The following VPS8 variants were observed in gnomAD, a reference collection of about 807,000 sequenced individuals.
The protein encoded by VPS8 is vacuolar protein sorting-associated protein 8 homolog.
Under a neutral mutation model 216.4 loss-of-function variants are expected in VPS8, and 129 were observed. The ratio of observed to expected loss-of-function variants is 0.60; its 90% confidence interval spans 0.52 to 0.69. The LOEUF is 0.69. Ranked by LOEUF, VPS8 falls within the 30% of genes least tolerant of loss-of-function variation. The pLI is 0.00. For missense variants in VPS8, 1,531 were observed against 1,683.5 expected (o/e 0.91, Z 1.59); for synonymous variants, 571 against 565.4 (o/e 1.01, Z -0.14).
intron 46 of VPS8, among the ~76,000 whole-genome samples, chr3:185,036,330 C>A (rs905266785): frequency 2.6e-5 from 4 of 152,164 alleles, no homozygotes; most frequent in Admixed American, 2.0e-4. Context: ...AAGAGCAAAG[C>A]TGGAGGCATC....
intron 7 of VPS8, among the ~76,000 whole-genome samples, chr3:184,841,825 C>T (rs1413859701): frequency 6.6e-6 from 1 of 152,018 alleles, no homozygotes; most frequent in Admixed American, 6.6e-5. Context: ...ATGCACAGAG[C>T]CAAGTTCAGC....
rs371375124 is a variant in VPS8 at position 184,866,969 on chromosome 3, T to C, written c.1470+19T>C. On this transcript the variant is annotated intron_variant, in intron 17 of 47. Transcript: ENST00000625842. ...GACAAAAGTAAGCTCTTTTACTCTG[T>C]GAGTTGGTATTTGTATGTATCAGGG... 1.9e-6 allele frequency: 3 copies of C among 1,609,600 alleles called. No homozygotes were observed. The highest frequency in any genetic ancestry group is 2.5e-6 in the Non-Finnish European group (3 of 1,177,784).
At chr3:185,000,612 C>CTTT (rs11425416) in intron 45 of VPS8, among the ~76,000 whole-genome samples, 13 of 141,046 alleles carry the variant, frequency 9.2e-5, no homozygotes, top group Admixed American at 5.7e-4. Flanking sequence ...CTTTTCGTTT[C>CTTT]TTTTTTTTTT....
chr3:184,934,433 A>C (rs1741241551), intron 34 of VPS8, among the ~76,000 whole-genome samples: 1 of 152,182 alleles, frequency 6.6e-6, no homozygotes, highest in African/African-American at 2.4e-5. Context: ...GGCCTCCCAA[A>C]GTGCTAGGAT....
intron 40 of VPS8, among the ~76,000 whole-genome samples, chr3:184,972,090 A>G (rs1421285670): frequency 6.6e-6 from 1 of 151,870 alleles, no homozygotes; most frequent in African/African-American, 2.4e-5. Flanking sequence ...AAAAAAAAAA[A>G]AGCCTGTACT....
intron 42 of VPS8, 144 bp downstream of exon 42, chr3:184,983,238 T>A: frequency 1.6e-6 from 1 of 638,600 alleles, no homozygotes; most frequent in Non-Finnish European, 2.5e-6. Context: ...TCTAAATATC[T>A]AACTTCCGAC....
At chr3:185,048,407 C>G in intron 46 of VPS8, 72 bp from the exon 47 acceptor site, 1 of 1,424,604 alleles carries the variant, frequency 7.0e-7, no homozygotes, top group Non-Finnish European at 9.9e-7. Context: ...TATGCTTCAG[C>G]ATCGTGTAGA....
chr3:184,895,806 G>A (rs1733362345), intron 23 of VPS8, among the ~76,000 whole-genome samples: 1 of 149,746 alleles, frequency 6.7e-6, no homozygotes, highest in African/African-American at 2.5e-5. Flanking sequence ...GCTAATTTTT[G>A]TATTTTTAGT....
At position 185,014,842 on chromosome 3, in the gene VPS8, C is replaced by G. The variant is rs143588464; in HGVS notation, c.4003-9494C>G. On this transcript the variant is annotated intron_variant, in intron 45 of 47. Coordinates refer to ENST00000625842, the MANE Select transcript of VPS8 (RefSeq NM_001009921.3). ...GTAGCTAGAGCTTGGCTAGTATAGC[C>G]TGGGGCATTATCTGTTTTAATAGAA... Among the ~76,000 whole-genome samples, 246 of 152,298 alleles carry G rather than the reference C, an allele frequency of 1.6e-3. 2 individuals carry two copies. The highest frequency in any genetic ancestry group is 4.9e-3 in the African/African-American group (205 of 41,562).
rs770686589 is a variant in VPS8 at position 184,849,164 on chromosome 3, C to T, written c.635C>T (p.Ser212Leu). The T allele has an allele frequency of 1.9e-6, 3 of 1,613,468 alleles. No individual in the cohort carries two copies. In the Admixed American group the frequency reaches 5.0e-5, roughly 27 times the overall value. ...GCCCTCAGTATCAACAATGATTGCT[C>T]AAGACTTCTTTGTGGCTTTGCTAAA... The part of the protein sequence containing the change: ...ISALSINNDC[S>L]RLLCGFAKGQ... The change falls in exon 9 of 48, where the codon TCA becomes TTA. Residue 212 changes from serine to leucine, a missense_variant. By Grantham distance (145) the Ser-to-Leu change is moderately radical (BLOSUM62 -2). Coordinates refer to ENST00000625842, the MANE Select transcript of VPS8 (RefSeq NM_001009921.3).
intron 45 of VPS8, among the ~76,000 whole-genome samples, chr3:185,021,347 ACCACTTCCATTG>A (rs1756631822): frequency 6.6e-6 from 1 of 152,178 alleles, no homozygotes; most frequent in Non-Finnish European, 1.5e-5. Flanking sequence ...GGGATGCTGG[ACCACTTCCATTG>A]CCACTTCAAA....
chr3:185,038,146 A>G (rs1466853750), intron 46 of VPS8, among the ~76,000 whole-genome samples: 2 of 152,226 alleles, frequency 1.3e-5, no homozygotes, highest in African/African-American at 4.8e-5. Flanking sequence ...TGAATTTAGT[A>G]AAGTCTATTT....
At chr3:184,844,408 G>A (rs1722726286) in intron 8 of VPS8, among the ~76,000 whole-genome samples, 2 of 151,808 alleles carry the variant, frequency 1.3e-5, no homozygotes, top group Admixed American at 1.3e-4. Flanking sequence ...GTGACAGAGT[G>A]AGACTCTGTC....
At position 185,052,062 on chromosome 3, in the gene VPS8, G is replaced by T; in HGVS notation, c.*37G>T. 1 of 1,584,498 alleles carries T rather than the reference G, an allele frequency of 6.3e-7. No homozygotes were observed. The highest frequency in any genetic ancestry group is 8.6e-7 in the Non-Finnish European group (1 of 1,166,208). On this transcript the variant is annotated 3_prime_UTR_variant, in exon 48 of 48. Transcript: ENST00000625842. The stretch of plus-strand genomic sequence containing the variant: ...AGCCTGGCCCAGGAGAACCAGAGAT[G>T]ATCCCGAGGCAGCTGGGGAGAGGCC...
At chr3:184,967,330 A>G (rs1429580925) in intron 39 of VPS8, among the ~76,000 whole-genome samples, 1 of 152,180 alleles carries the variant, frequency 6.6e-6, no homozygotes, top group African/African-American at 2.4e-5. Flanking sequence ...AATGAGGTAT[A>G]TAACTAACAT....
At chr3:184,856,292 T>TAAC (rs1725241675) in intron 14 of VPS8, among the ~76,000 whole-genome samples, 2 of 152,176 alleles carry the variant, frequency 1.3e-5, no homozygotes, top group Non-Finnish European at 2.9e-5. Flanking sequence ...GAAAATGGTT[T>TAAC]AAGGATTGAA....
intron 22 of VPS8, among the ~76,000 whole-genome samples, chr3:184,892,068 C>T (rs1026684470): frequency 4.6e-5 from 7 of 152,084 alleles, no homozygotes; most frequent in African/African-American, 1.7e-4. Flanking sequence ...TATTCATGAT[C>T]GATTTTCTGT....
chr3:184,915,847 A>G (rs1036018816), intron 28 of VPS8, among the ~76,000 whole-genome samples: 3 of 152,180 alleles, frequency 2.0e-5, no homozygotes, highest in Non-Finnish European at 4.4e-5. Flanking sequence ...TTTTAATAGA[A>G]AAATCCCATA....
At position 184,812,204 on chromosome 3, in the gene VPS8, G is replaced by T. The variant is rs1394270069; in HGVS notation, c.-110G>T. On this transcript the variant is annotated 5_prime_UTR_variant, in exon 1 of 48. Transcript: ENST00000625842. ...CGGTCACGTGGGCCGGCGGTCCACG[G>T]CCGGAATGGCAGCAAGCTCAGGTAA... The T allele has an allele frequency of 6.6e-6, 1 of 152,468 alleles. No individual in the cohort carries two copies. The highest frequency in any genetic ancestry group is 1.5e-5 in the Non-Finnish European group (1 of 68,236). 9.4% of individuals were successfully genotyped at this position (152,468 alleles called of 1,614,324 possible). A position where few individuals can be genotyped will look rare whatever the true frequency, so the allele number is the denominator to read the frequency against.
Sources: gnomAD v4.1 joint callset for allele counts (sites outside exome capture counted in the v4.1 genomes callset) on GRCh38, gnomAD v4.1.1 for gene constraint, MANE v1.5 for transcripts, NCBI Gene and HGNC (gene_info 2026-07-23, HGNC 2026-07-21) for gene names.